Variants in MORC1 observed in about 807,000 individuals in gnomAD.
The protein encoded by MORC1 is MORC family CW-type zinc finger 1.
Under a neutral mutation model 134.9 loss-of-function variants are expected in MORC1, and 59 were observed. The observed-to-expected ratio is 0.44, with a 90% CI of 0.35 to 0.54. The LOEUF (loss-of-function observed/expected upper bound fraction) is 0.54. Ranked by LOEUF, MORC1 falls within the 20% of genes least tolerant of loss-of-function variation. MORC1 has a pLI of 0.00. For synonymous variants in MORC1, 395 were observed against 391.7 expected (o/e 1.01, Z -0.10); for missense variants, 947 against 1,134.5 (o/e 0.83, Z 2.37).
intron 14 of MORC1, among the ~76,000 whole-genome samples, chr3:109,046,109 A>G (rs1454248202): frequency 4.6e-5 from 7 of 152,208 alleles, no homozygotes; most frequent in Non-Finnish European, 1.0e-4. Flanking sequence ...ATAAAAATCT[A>G]TAGCATATAG....
intron 8 of MORC1, among the ~76,000 whole-genome samples, chr3:109,080,597 T>A (rs1576720785): frequency 6.6e-6 from 1 of 152,188 alleles, no homozygotes; most frequent in East Asian, 1.9e-4. Context: ...AAGATTGGAA[T>A]AAGAACCAAC....
At chr3:109,039,741 C>T (rs112853810) in intron 14 of MORC1, among the ~76,000 whole-genome samples, 32 of 152,224 alleles carry the variant, frequency 2.1e-4, no homozygotes, top group African/African-American at 6.0e-4. Context: ...AATGGGGACT[C>T]CTGCTCTGAT....
At chr3:109,023,444 T>C (rs918483131) in intron 17 of MORC1, among the ~76,000 whole-genome samples, 1 of 152,244 alleles carries the variant, frequency 6.6e-6, no homozygotes, top group African/African-American at 2.4e-5. Flanking sequence ...ATATTGATTA[T>C]GCAAATACAC....
intron 14 of MORC1, among the ~76,000 whole-genome samples, chr3:109,039,303 G>A (rs1276838057): frequency 6.6e-6 from 1 of 152,190 alleles, no homozygotes. Context: ...GGATTTGAGT[G>A]CTGGTTCTGT....
intron 13 of MORC1, among the ~76,000 whole-genome samples, chr3:109,056,470 G>C (rs547182984): frequency 1.8e-4 from 27 of 152,198 alleles, no homozygotes; most frequent in Admixed American, 1.6e-3. Flanking sequence ...CTCGTGATCC[G>C]CCCACCTCGG....
intron 17 of MORC1, among the ~76,000 whole-genome samples, chr3:109,027,457 G>A (rs2107596876): frequency 6.6e-6 from 1 of 152,218 alleles, no homozygotes; most frequent in South Asian, 2.1e-4. Flanking sequence ...CCTTGGACAT[G>A]CTGACTGACT....
intron 14 of MORC1, among the ~76,000 whole-genome samples, chr3:109,040,402 G>GAAAGAAAGAA (rs1553753629): frequency 5.2e-5 from 1 of 19,164 alleles, no homozygotes; most frequent in Non-Finnish European, 1.2e-4. Flanking sequence ...AAGAAAGAAA[G>GAAAGAAAGAA]AGAAGGAAGG....
At chr3:109,009,869 T>C (rs1948642610) in intron 17 of MORC1, among the ~76,000 whole-genome samples, 1 of 152,330 alleles carries the variant, frequency 6.6e-6, no homozygotes, top group East Asian at 1.9e-4. Flanking sequence ...GCCTGATTTA[T>C]ACCTTTAAAA....
At chr3:108,964,700 G>C (rs1431498828) in intron 26 of MORC1, among the ~76,000 whole-genome samples, 1 of 152,136 alleles carries the variant, frequency 6.6e-6, no homozygotes, top group African/African-American at 2.4e-5. Flanking sequence ...GATATATAGG[G>C]TACAGTCTTT....
At chr3:109,040,581 G>A (rs1460092483) in intron 14 of MORC1, among the ~76,000 whole-genome samples, 1 of 152,008 alleles carries the variant, frequency 6.6e-6, no homozygotes, top group African/African-American at 2.4e-5. Context: ...TGTAATCCCA[G>A]CACTGTGGGA....
intron 14 of MORC1, among the ~76,000 whole-genome samples, chr3:109,040,849 A>G: frequency 6.7e-6 from 1 of 149,440 alleles, no homozygotes; most frequent in African/African-American, 2.4e-5. Flanking sequence ...AAAAAAAAAA[A>G]AGAAAGAAAG....
At chr3:108,998,098 G>T (rs1015704256) in intron 21 of MORC1, among the ~76,000 whole-genome samples, 9 of 152,128 alleles carry the variant, frequency 5.9e-5, no homozygotes, top group Non-Finnish European at 1.0e-4. Flanking sequence ...GACACAGCAG[G>T]CTGTCTTAGC....
chr3:109,034,775 G>A (rs1384554396), intron 15 of MORC1, among the ~76,000 whole-genome samples: 1 of 151,836 alleles, frequency 6.6e-6, no homozygotes. Context: ...TTGAGACAGG[G>A]ACTCACTGTG....
chr3:108,966,953 C>A (rs1477494250), intron 26 of MORC1, among the ~76,000 whole-genome samples: 5 of 152,160 alleles, frequency 3.3e-5, no homozygotes, highest in Non-Finnish European at 7.4e-5. Flanking sequence ...TCTACTACTA[C>A]AATAGTAGTT....
intron 15 of MORC1, among the ~76,000 whole-genome samples, chr3:109,034,356 G>C (rs890368429): frequency 6.6e-6 from 1 of 152,128 alleles, no homozygotes; most frequent in African/African-American, 2.4e-5. Flanking sequence ...CTACTGAGCT[G>C]TTAGTTACAG....
At position 109,100,503 on chromosome 3, in the gene MORC1, T is replaced by G; in HGVS notation, c.228A>C (p.Glu76Asp). Residue 76 changes from glutamate (E) to aspartate (D), a missense_variant, in exon 5 of 28, where the codon GAA becomes GAC. Physicochemically the swap from Glu to Asp is conservative, Grantham distance 45. Coordinates refer to ENST00000232603, the MANE Select transcript of MORC1 (RefSeq NM_014429.4). ...GTCCAAAGTAAATGATGTCTGAAGC[T>G]TCCTCTGTAATTGACAGTGACTTTT... ...LDDGCGMSPEEASDIIYFGRS... is the reference protein window; with the variant it reads ...LDDGCGMSPEDASDIIYFGRS... The G allele has an allele frequency of 3.7e-6, 6 of 1,611,614 alleles. No homozygotes were observed. The highest frequency in any genetic ancestry group is 4.2e-6 in the Non-Finnish European group (5 of 1,177,902).
chr3:109,063,932 A>T (rs1950138738), intron 9 of MORC1, among the ~76,000 whole-genome samples: 1 of 152,178 alleles, frequency 6.6e-6, no homozygotes, highest in Admixed American at 6.5e-5. Context: ...ATTGGTTTAA[A>T]TCATCATAGA....
At chr3:109,021,527 T>G (rs1300687539) in intron 17 of MORC1, among the ~76,000 whole-genome samples, 1 of 152,202 alleles carries the variant, frequency 6.6e-6, no homozygotes, top group African/African-American at 2.4e-5. Context: ...TCTTGGCCTT[T>G]GACGACAGCA....
At chr3:109,087,673 G>GCTAT (rs1459607712) in intron 8 of MORC1, among the ~76,000 whole-genome samples, 1 of 152,006 alleles carries the variant, frequency 6.6e-6, no homozygotes, top group Admixed American at 6.6e-5. Context: ...CAGATTCAAT[G>GCTAT]CTATTCCTGT....
Sources: gnomAD v4.1 joint callset for allele counts (sites outside exome capture counted in the v4.1 genomes callset) on GRCh38, gnomAD v4.1.1 for gene constraint, MANE v1.5 for transcripts, NCBI Gene and HGNC (gene_info 2026-07-23, HGNC 2026-07-21) for gene names.